Variants in LIN9 observed in about 807,000 individuals in gnomAD.
LIN9 encodes the protein lin-9 DREAM MuvB core complex component.
Under a neutral mutation model 78.0 loss-of-function variants are expected in LIN9, and 18 were observed. The ratio of observed to expected loss-of-function variants is 0.23; its 90% CI spans 0.16 to 0.34. The LOEUF (loss-of-function observed/expected upper bound fraction) is 0.34, where lower values mean the gene tolerates loss of function less well. Ranked by LOEUF, LIN9 falls within the 10% of genes least tolerant of loss-of-function variation. LIN9 has a pLI of 1.00. For missense variants in LIN9, 451 were observed against 644.1 expected (o/e 0.70, Z 3.25); for synonymous variants, 192 against 215.2 (o/e 0.89, Z 0.94).
rs139041760 is a variant in LIN9, at chr1:226,273,899, G to A, written c.682+3876C>T. 7.2e-3 allele frequency among the ~76,000 whole-genome samples: 1,084 copies of A among 150,304 alleles called. 10 individuals are homozygous for A. The highest frequency in any genetic ancestry group is 0.025 in the African/African-American group (1,033 of 40,814). On this transcript the variant is annotated intron_variant, in intron 7 of 14. Coordinates refer to ENST00000681046, the MANE Select transcript of LIN9 (RefSeq NM_001366245.2). ...GTCACCCAGGCTGGAGTGCAGTGGCGCAATCTCGGCTCACTGCAACCTCCG... is the reference window on the plus strand; with the variant it reads ...GTCACCCAGGCTGGAGTGCAGTGGCACAATCTCGGCTCACTGCAACCTCCG...
chr1:226,264,166 G>T (rs1659773421), intron 10 of LIN9, among the ~76,000 whole-genome samples: 1 of 151,808 alleles, frequency 6.6e-6, no homozygotes, highest in African/African-American at 2.4e-5. Flanking sequence ...ATCATGTGAG[G>T]TCAGGAGTTT....
At chr1:226,291,719 C>T (rs1244369507) in intron 4 of LIN9, among the ~76,000 whole-genome samples, 1 of 152,044 alleles carries the variant, frequency 6.6e-6, no homozygotes, top group African/African-American at 2.4e-5. Context: ...TCCCTAACAT[C>T]AATATCTTAT....
chr1:226,287,937 A>G lies in LIN9; in HGVS notation c.265-140T>C, dbSNP rs1186318973. ...CTGATTCACTGATATTCAACATGGA[A>G]TTTTGTTGCTGTTTTAAACACTCCG... On this transcript the variant is annotated intron_variant, in intron 4 of 14. Coordinates refer to ENST00000681046, the MANE Select transcript of LIN9 (RefSeq NM_001366245.2). The G allele has an allele frequency of 1.1e-5, 7 of 611,576 alleles. No individual in the cohort carries two copies. The Middle Eastern group carries it at 1.3e-3, about 116-fold the overall frequency. 37.9% of individuals were successfully genotyped at this position (611,576 alleles called of 1,614,324 possible).
At chr1:226,249,899 T>C (rs1658720841) in intron 11 of LIN9, among the ~76,000 whole-genome samples, 1 of 152,140 alleles carries the variant, frequency 6.6e-6, no homozygotes, top group African/African-American at 2.4e-5. Context: ...CCGGGTGCTG[T>C]GGCTGGCTGG....
intron 7 of LIN9, among the ~76,000 whole-genome samples, chr1:226,272,533 C>G (rs1660353536): frequency 6.9e-6 from 1 of 144,678 alleles, no homozygotes; most frequent in Admixed American, 7.0e-5. Context: ...CACTACCATG[C>G]TTGACCTTTT....
chr1:226,273,626 T>C (rs1660446537), intron 7 of LIN9, among the ~76,000 whole-genome samples: 1 of 152,188 alleles, frequency 6.6e-6, no homozygotes, highest in Non-Finnish European at 1.5e-5. Flanking sequence ...TCTTCTTTTT[T>C]TTAAAAAGGC....
At chr1:226,273,662 T>G (rs1172688030) in intron 7 of LIN9, among the ~76,000 whole-genome samples, 3 of 152,138 alleles carry the variant, frequency 2.0e-5, no homozygotes, top group Non-Finnish European at 4.4e-5. Context: ...AGCATTACTT[T>G]GAAACTTGTC....
intron 10 of LIN9, among the ~76,000 whole-genome samples, chr1:226,252,687 T>A (rs1658911237): frequency 6.6e-6 from 1 of 152,050 alleles, no homozygotes; most frequent in East Asian, 1.9e-4. Flanking sequence ...AAAAAAGAAA[T>A]CCAGGCCAGG....
intron 10 of LIN9, among the ~76,000 whole-genome samples, chr1:226,263,506 A>G (rs943552876): frequency 6.6e-6 from 1 of 152,170 alleles, no homozygotes; most frequent in African/African-American, 2.4e-5. Flanking sequence ...TCACATAGTG[A>G]TATTTAGACA....
chr1:226,242,716 T>C (rs901139110), intron 11 of LIN9, among the ~76,000 whole-genome samples: 1 of 152,128 alleles, frequency 6.6e-6, no homozygotes, highest in Non-Finnish European at 1.5e-5. Context: ...TACAGCAGTG[T>C]GCCTGCTTCT....
At chr1:226,296,483 T>TA (rs1558205099) in intron 3 of LIN9, among the ~76,000 whole-genome samples, 1 of 152,128 alleles carries the variant, frequency 6.6e-6, no homozygotes, top group Admixed American at 6.5e-5. Context: ...CCCATAGAAC[T>TA]AAAAAAGTTG....
chr1:226,252,583 AAAC>A (rs1558164675), intron 10 of LIN9, among the ~76,000 whole-genome samples: 1 of 152,190 alleles, frequency 6.6e-6, no homozygotes. Flanking sequence ...AACATTTAAA[AAAC>A]AACTGAAAAA....
chr1:226,271,065 A>G lies in LIN9; in HGVS notation c.683-2975T>C, dbSNP rs1224131378. Among the ~76,000 whole-genome samples the G allele has an allele frequency of 2.0e-5, 3 of 152,138 alleles. No homozygotes were observed. The East Asian group carries it at 5.8e-4, about 29-fold the overall frequency. The stretch of plus-strand genomic sequence containing the variant: ...ATTTCTTAACAAATCAATGATTTTA[A>G]TATCTTTTTTAACACTCTCATTTCT... On this transcript the variant is annotated intron_variant, in intron 7 of 14. Coordinates refer to ENST00000681046, the MANE Select transcript of LIN9 (RefSeq NM_001366245.2).
At chr1:226,294,057 C>T (rs1036879228) in intron 4 of LIN9, among the ~76,000 whole-genome samples, 4 of 152,006 alleles carry the variant, frequency 2.6e-5, no homozygotes, top group African/African-American at 9.7e-5. Flanking sequence ...CCTGTAATCC[C>T]AGCAGTTTAG....
At chr1:226,254,319 T>C (rs1297454206) in intron 10 of LIN9, among the ~76,000 whole-genome samples, 1 of 152,140 alleles carries the variant, frequency 6.6e-6, no homozygotes, top group Admixed American at 6.5e-5. Flanking sequence ...AAAAAATACA[T>C]TTGGAACAGC....
At chr1:226,294,869 G>A (rs112289577) in intron 4 of LIN9, among the ~76,000 whole-genome samples, 14,604 of 150,500 alleles carry the variant, frequency 0.097, 857 homozygotes, top group Middle Eastern at 0.15. Flanking sequence ...GCATGATCTC[G>A]GCTCACTGCA....
At chr1:226,309,262 TCCCGCCGCGGCTGGCTGAGGCGGG>T, upstream of LIN9, 2 of 1,202,488 alleles carry the variant, frequency 1.7e-6, no homozygotes, top group Non-Finnish European at 2.1e-6. Context: ...GCTGCGCTGC[TCCCGCCGCGGCTGGCTGAGGCGGG>T]CCCGGCTCCG....
chr1:226,260,220 G>A (rs1013176353), intron 10 of LIN9, among the ~76,000 whole-genome samples: 3 of 152,080 alleles, frequency 2.0e-5, no homozygotes, highest in Non-Finnish European at 2.9e-5. Context: ...ATAGCACCAG[G>A]CCCAGATGGG....
rs1657393093 is a variant in LIN9 at position 226,232,373 on chromosome 1, G to A, written c.*128C>T. On this transcript the variant is annotated 3_prime_UTR_variant, in exon 15 of 15. Coordinates refer to ENST00000681046, the MANE Select transcript of LIN9 (RefSeq NM_001366245.2). The stretch of plus-strand genomic sequence containing the variant: ...AAGAAGCAGTACAGTCTATTAAAAT[G>A]CCTTATTTGGAGATTTAAATTTCCC... 2 of 568,226 alleles carry A rather than the reference G, an allele frequency of 3.5e-6. No homozygotes were observed. The highest frequency in any genetic ancestry group is 3.2e-5 in the Admixed American group (1 of 30,920). 35.2% of individuals were successfully genotyped at this position (568,226 alleles called of 1,614,324 possible).
Sources: gnomAD v4.1 joint callset for allele counts (sites outside exome capture counted in the v4.1 genomes callset) on GRCh38, gnomAD v4.1.1 for gene constraint, MANE v1.5 for transcripts, NCBI Gene and HGNC (gene_info 2026-07-23, HGNC 2026-07-21) for gene names.